The following SATB2 variants were observed in gnomAD, a reference collection of about 807,000 sequenced individuals.
The protein encoded by SATB2 is DNA-binding protein SATB2.
A neutral mutation model predicts 73.4 loss-of-function variants in SATB2; 1 was observed. That is an observed-to-expected ratio of 0.01 (90% CI 0.00 to 0.06). The LOEUF (loss-of-function observed/expected upper bound fraction) is 0.06. Among genes scored for constraint, SATB2 ranks in the 10% least tolerant of loss-of-function variants. The pLI, the probability that SATB2 is intolerant of heterozygous loss-of-function variation, is 1.00. For synonymous variants in SATB2, 397 were observed against 367.0 expected, an observed-to-expected ratio of 1.08 and a Z score of -0.93; for missense variants, 459 against 945.8, an observed-to-expected ratio of 0.49 and a Z score of 6.75.
intron 7 of SATB2, among the ~76,000 whole-genome samples, chr2:199,330,572 T>C (rs918493338): frequency 2.6e-5 from 4 of 152,330 alleles, no homozygotes; most frequent in Middle Eastern, 3.4e-3. Flanking sequence ...TCCAGATTTC[T>C]TGTCATGCTT....
Position 199,308,656 on chromosome 2 carries a change from C to T in SATB2, c.1740+104G>A. ...TACTTGGGGACCTGGCATGAGACACCCTCTGACAGAAGTTGGTGTGGTGTG... is the reference window on the plus strand; with the variant it reads ...TACTTGGGGACCTGGCATGAGACACTCTCTGACAGAAGTTGGTGTGGTGTG... On this transcript the variant is annotated intron_variant, in intron 10 of 10. Transcript: ENST00000417098. The surrounding 1 kb of genome is among the most constrained non-coding windows in gnomAD (Gnocchi z 4.6). 1 of 934,516 alleles carries T rather than the reference C, an allele frequency of 1.1e-6. No individual in the cohort carries two copies. The highest frequency in any genetic ancestry group is 1.7e-6 in the Non-Finnish European group (1 of 584,420). 57.9% of individuals were successfully genotyped at this position (934,516 alleles called of 1,614,324 possible).
intron 3 of SATB2, among the ~76,000 whole-genome samples, chr2:199,389,417 T>C (rs1297800657): frequency 6.6e-6 from 1 of 151,454 alleles, no homozygotes; most frequent in Non-Finnish European, 1.5e-5. Context: ...CAAGTGCCTT[T>C]ATAACTTACA....
In SATB2 at chr2:199,272,268, A is replaced by G. The variant is rs753933552; in HGVS notation, c.2145T>C (p.Ala715=). ...EGSEEMYKVE[A]EEENADKSKA... ...TGCTTTTGTCAGCATTTTCCTCCTC[A>G]GCCTCCACTTTGTACATCTCCTCGG... The change falls in exon 11 of 11, where the codon GCT becomes GCC. Residue 715 remains alanine, a synonymous_variant. Coordinates refer to ENST00000417098, the MANE Select transcript of SATB2 (RefSeq NM_001172509.2). This position sits in a 1 kb window ranked among gnomAD's most constrained non-coding sequence, Gnocchi z 6.7. The G allele has an allele frequency of 2.0e-5, 32 of 1,614,036 alleles. No homozygotes were observed. Among genetic ancestry groups the G allele is most frequent in the Non-Finnish European group, 2.7e-5 (32 of 1,180,026 alleles).
chr2:199,308,889 G>A lies in SATB2; in HGVS notation c.1611C>T (p.Asn537=), dbSNP rs749294874. The part of the protein sequence containing the change: ...PSPENRTLWE[N]LCTIRRFLNL... ...TCAGGAAGCGACGGATGGTACAGAG[G>A]TTTTCCCAGAGGGTGCGGTTTTCTG... Residue 537 remains asparagine, a synonymous_variant, in exon 10 of 11, where the codon AAC becomes AAT. Transcript: ENST00000417098. This position sits in a 1 kb window ranked among gnomAD's most constrained non-coding sequence, Gnocchi z 4.6. 1 of 1,614,180 alleles carries A rather than the reference G, an allele frequency of 6.2e-7. No homozygotes were observed. Among genetic ancestry groups the A allele is most frequent in the South Asian group, 1.1e-5 (1 of 91,080 alleles).
At chr2:199,312,092 T>C (rs1443513194) in intron 9 of SATB2, among the ~76,000 whole-genome samples, 1 of 152,130 alleles carries the variant, frequency 6.6e-6, no homozygotes, top group Admixed American at 6.5e-5. Flanking sequence ...GATGACAGTA[T>C]TCTCTATTGA....
intron 3 of SATB2, among the ~76,000 whole-genome samples, chr2:199,419,531 T>C (rs576347027): frequency 3.3e-5 from 5 of 152,304 alleles, no homozygotes; most frequent in Admixed American, 2.0e-4. Flanking sequence ...TGACAGCATG[T>C]TTTTTAAAAA....
chr2:199,426,812 C>T (rs6435017), intron 3 of SATB2, among the ~76,000 whole-genome samples: 47,698 of 151,736 alleles, frequency 0.31, 9,457 homozygotes, highest in Non-Finnish European at 0.43. Flanking sequence ...GACTGTCCAT[C>T]TATTTATTTA....
intron 2 of SATB2, among the ~76,000 whole-genome samples, chr2:199,436,615 T>C (rs2105932639): frequency 6.6e-6 from 1 of 152,194 alleles, no homozygotes; most frequent in East Asian, 1.9e-4. Flanking sequence ...ATCTAAACAA[T>C]TATGGTTTTT....
intron 5 of SATB2, among the ~76,000 whole-genome samples, chr2:199,370,996 C>T (rs1475393010): frequency 6.8e-6 from 1 of 146,772 alleles, no homozygotes; most frequent in Non-Finnish European, 1.5e-5. Context: ...AGATGAGAAT[C>T]TTTAATCACC....
In SATB2 at chr2:199,349,143, T is replaced by A; in HGVS notation, c.731A>T (p.Asp244Val). Residue 244 changes from aspartate (D) to valine (V), a missense_variant, in exon 7 of 11, where the codon GAC becomes GTC. Around this residue, in one of 13 missense-constraint regions of SATB2, gnomAD observed 77 missense variants for 90.4 expected, o/e 0.85. Coordinates refer to ENST00000417098, the MANE Select transcript of SATB2 (RefSeq NM_001172509.2). ...TGGACGCTGGCCCAGAACACAATAG[T>A]CTGAAAGGTTTTCTCGTTCCACTCT... ...VERVERENLS[D>V]YCVLGQRPMH... 6.2e-7 allele frequency: 1 copy of A among 1,613,730 alleles called. No homozygotes were observed. Among genetic ancestry groups the A allele is most frequent in the Non-Finnish European group, 8.5e-7 (1 of 1,179,822 alleles).
At chr2:199,282,478 C>A (rs1220149588) in intron 10 of SATB2, among the ~76,000 whole-genome samples, 1 of 152,110 alleles carries the variant, frequency 6.6e-6, no homozygotes, top group Admixed American at 6.5e-5. Context: ...TACTGCAAAA[C>A]CACAACTGCT....
intron 7 of SATB2, among the ~76,000 whole-genome samples, chr2:199,336,890 A>T (rs13392193): frequency 1.3e-5 from 2 of 152,066 alleles, no homozygotes; most frequent in African/African-American, 4.8e-5. Flanking sequence ...TAATCTCCCT[A>T]TGGCACAGTC....
chr2:199,333,620 G>C (rs574715310), intron 7 of SATB2, among the ~76,000 whole-genome samples: 8 of 152,152 alleles, frequency 5.3e-5, no homozygotes, highest in African/African-American at 1.9e-4. Context: ...AGTGGTAGAA[G>C]ATATTTTGAA....
At chr2:199,429,919 T>A (rs1443697939) in intron 3 of SATB2, among the ~76,000 whole-genome samples, 1 of 152,162 alleles carries the variant, frequency 6.6e-6, no homozygotes, top group African/African-American at 2.4e-5. Context: ...CGAAATAAAT[T>A]AATTAATTAA....
chr2:199,293,863 G>A (rs1358324025), intron 10 of SATB2, among the ~76,000 whole-genome samples: 1 of 151,938 alleles, frequency 6.6e-6, no homozygotes, highest in African/African-American at 2.4e-5. Flanking sequence ...TGAAAAAGGG[G>A]GAGAAAGGAA....
At chr2:199,450,050 T>C (rs528148458) in intron 2 of SATB2, among the ~76,000 whole-genome samples, 1 of 152,204 alleles carries the variant, frequency 6.6e-6, no homozygotes, top group African/African-American at 2.4e-5. Flanking sequence ...ATGGGTTAGA[T>C]CCAACATTTC....
intron 5 of SATB2, among the ~76,000 whole-genome samples, chr2:199,370,015 G>T (rs932523112): frequency 1.3e-5 from 2 of 152,114 alleles, no homozygotes; most frequent in Non-Finnish European, 2.9e-5. Flanking sequence ...ACAGCACTGG[G>T]AACTCAAAGA....
intron 5 of SATB2, among the ~76,000 whole-genome samples, chr2:199,369,186 T>C (rs1173102569): frequency 1.3e-5 from 2 of 152,198 alleles, no homozygotes; most frequent in Non-Finnish European, 2.9e-5. Flanking sequence ...AAACGTGTGA[T>C]TAGAACTTGT....
chr2:199,407,180 G>A (rs1198563330), intron 3 of SATB2, among the ~76,000 whole-genome samples: 1 of 151,380 alleles, frequency 6.6e-6, no homozygotes, highest in East Asian at 1.9e-4. Context: ...AAAATTATCA[G>A]GAGGCTGAGG....
Sources: allele counts gnomAD v4.1 joint callset (sites outside exome capture counted in the v4.1 genomes callset), GRCh38; gene constraint gnomAD v4.1.1; regional missense constraint gnomAD v4.1.1; non-coding constraint Gnocchi (gnomAD v3.1); transcripts MANE v1.5; gene names NCBI Gene and HGNC (gene_info 2026-07-23, HGNC 2026-07-21).